The following MGA variants were observed in gnomAD, a reference collection of about 807,000 sequenced individuals.
MGA encodes MAX gene-associated protein.
In MGA, 40 loss-of-function variants were observed where a neutral mutation model predicts 261.1. The ratio of observed to expected loss-of-function variants is 0.15; its 90% CI spans 0.12 to 0.20. The LOEUF (loss-of-function observed/expected upper bound fraction) is 0.20. Ranked by LOEUF, MGA falls within the 10% of genes least tolerant of loss-of-function variation. MGA has a pLI of 1.00. For missense variants in MGA, 3,397 were observed against 3,630.5 expected (o/e 0.94, Z 1.65); for synonymous variants, 1,302 against 1,290.6 (o/e 1.01, Z -0.19).
intron 2 of MGA, among the ~76,000 whole-genome samples, chr15:41,686,809 A>AT (rs2058994195): frequency 6.6e-6 from 1 of 152,120 alleles, no homozygotes; most frequent in Non-Finnish European, 1.5e-5. Context: ...GTGATCTTAC[A>AT]TTCTTGGGCT....
intron 2 of MGA, among the ~76,000 whole-genome samples, chr15:41,686,906 A>G (rs1282402634): frequency 1.3e-5 from 2 of 152,138 alleles, no homozygotes; most frequent in African/African-American, 2.4e-5. Flanking sequence ...TTTGCACCAA[A>G]TTCATGTGGG....
At chr15:41,675,719 C>A (rs973667991) in intron 2 of MGA, among the ~76,000 whole-genome samples, 1 of 152,056 alleles carries the variant, frequency 6.6e-6, no homozygotes, top group Non-Finnish European at 1.5e-5. Flanking sequence ...CTGCTTATTT[C>A]CTGTAAGTAG....
In MGA at chr15:41,711,357, G is replaced by C. The variant is rs770245548; in HGVS notation, c.3084+8G>C. 6.3e-7 allele frequency: 1 copy of C among 1,579,520 alleles called. No individual in the cohort carries two copies. The highest frequency in any genetic ancestry group is 8.6e-7 in the Non-Finnish European group (1 of 1,164,616). ...ACTCTACTTACAGCTCAAGTAAGTAGCTGCTGTTTTCTGGAGGTATATTAG... is the reference window on the plus strand; with the variant it reads ...ACTCTACTTACAGCTCAAGTAAGTACCTGCTGTTTTCTGGAGGTATATTAG... On this transcript the variant is annotated splice_region_variant and intron_variant, in intron 8 of 23. Transcript: ENST00000219905.
At chr15:41,676,045 T>C (rs2058357500) in intron 2 of MGA, among the ~76,000 whole-genome samples, 1 of 152,232 alleles carries the variant, frequency 6.6e-6, no homozygotes, top group Non-Finnish European at 1.5e-5. Context: ...AGTTTTCAGA[T>C]GTTTTTCTGT....
intron 1 of MGA, among the ~76,000 whole-genome samples, chr15:41,667,039 T>C (rs1417090400): frequency 1.3e-5 from 2 of 152,200 alleles, no homozygotes; most frequent in African/African-American, 4.8e-5. Flanking sequence ...CTGGTTGACC[T>C]AACCCTTTCC....
rs756256372 is a variant in MGA, at chr15:41,710,721, G to A, written c.2456G>A (p.Arg819His). The A allele has an allele frequency of 3.1e-6, 5 of 1,604,710 alleles. No homozygotes were observed. The highest frequency in any genetic ancestry group is 1.3e-5 in the African/African-American group (1 of 74,396). ...AATTCAGAAAGTTCACTGAAAAATCGTTCTGCTTTCTGTAGTGATAAGCTA... is the reference window on the plus strand; with the variant it reads ...AATTCAGAAAGTTCACTGAAAAATCATTCTGCTTTCTGTAGTGATAAGCTA... The change falls in exon 8 of 24, where the codon CGT (arginine) becomes CAT (histidine). Residue 819 changes from arginine to histidine, a missense_variant. Around this residue, in one of 9 missense-constraint regions of MGA, gnomAD observed 519 missense variants for 554.1 expected, o/e 0.94. Transcript: ENST00000219905.
intron 5 of MGA, among the ~76,000 whole-genome samples, chr15:41,703,829 A>G (rs904032091): frequency 1.3e-5 from 2 of 152,194 alleles, no homozygotes; most frequent in Admixed American, 6.6e-5. Flanking sequence ...TTTTTGAGAC[A>G]GGGTCTCGCT....
chr15:41,656,176 C>T (rs927204922), upstream of MGA, among the ~76,000 whole-genome samples: 5 of 151,920 alleles, frequency 3.3e-5, no homozygotes, highest in African/African-American at 9.7e-5. Context: ...TTAGGGCAAG[C>T]GTCTTAAAGA....
chr15:41,638,024 G>A (rs941014481), intron 1 of MGA, among the ~76,000 whole-genome samples: 9 of 127,528 alleles, frequency 7.1e-5, no homozygotes, highest in South Asian at 2.6e-4. Flanking sequence ...AGCCACTACT[G>A]TGCCCAGCTT....
chr15:41,707,921 C>T (rs965245694), intron 6 of MGA, 62 bp downstream of exon 6: 13 of 1,559,906 alleles, frequency 8.3e-6, no homozygotes, highest in Admixed American at 2.0e-5. Flanking sequence ...TTATTTGTAA[C>T]GTAAGTAAAA....
chr15:41,630,503 G>A (rs1448532569), intron 1 of MGA, among the ~76,000 whole-genome samples: 1 of 152,100 alleles, frequency 6.6e-6, no homozygotes, highest in Admixed American at 6.6e-5. Flanking sequence ...TACAATACAC[G>A]ATCATATGGA....
intron 2 of MGA, among the ~76,000 whole-genome samples, chr15:41,683,988 C>T (rs535813575): frequency 6.6e-6 from 1 of 151,950 alleles, no homozygotes; most frequent in Admixed American, 6.6e-5. Flanking sequence ...TAGTTACATA[C>T]GGCATGCTAA....
At chr15:41,701,006 T>G (rs949310646) in intron 5 of MGA, among the ~76,000 whole-genome samples, 18 of 152,236 alleles carry the variant, frequency 1.2e-4, no homozygotes, top group African/African-American at 3.9e-4. Flanking sequence ...CAGTGCGATC[T>G]TAAAAGTGTG....
intron 1 of MGA, among the ~76,000 whole-genome samples, chr15:41,629,105 C>CAAAA (rs71108108): frequency 3.5e-4 from 27 of 77,876 alleles, no homozygotes; most frequent in Non-Finnish European, 4.5e-4. Flanking sequence ...GACTTCGTCT[C>CAAAA]AAAAAAAAAA....
intron 1 of MGA, among the ~76,000 whole-genome samples, chr15:41,645,566 A>T (rs1485096213): frequency 6.6e-6 from 1 of 152,236 alleles, no homozygotes; most frequent in Non-Finnish European, 1.5e-5. Flanking sequence ...CCTGGGCTAC[A>T]GAGTGAGACT....
At chr15:41,653,542 C>T (rs192953107) in intron 1 of MGA, among the ~76,000 whole-genome samples, 13 of 151,578 alleles carry the variant, frequency 8.6e-5, no homozygotes, top group Admixed American at 2.0e-4. Context: ...CCCATCTCTA[C>T]GTTAAAAAAT....
At chr15:41,754,676 C>G (rs2063043274) in intron 18 of MGA, 109 bp downstream of exon 18, 3 of 1,277,554 alleles carry the variant, frequency 2.3e-6, no homozygotes, top group Non-Finnish European at 2.1e-6. Flanking sequence ...CCTTCTTCCT[C>G]TAGCTTTTTT....
chr15:41,738,658 C>T (rs2061922695), intron 13 of MGA, among the ~76,000 whole-genome samples: 1 of 152,130 alleles, frequency 6.6e-6, no homozygotes. Flanking sequence ...ACAAAGCCAC[C>T]ATAGAATGTG....
intron 2 of MGA, chr15:41,691,631 A>G (rs772008997): frequency 3.9e-6 from 2 of 519,102 alleles, no homozygotes; most frequent in Admixed American, 2.0e-5. Context: ...TTTTTATGCA[A>G]TCTGAATGAT....
Sources: allele counts gnomAD v4.1 joint callset (sites outside exome capture counted in the v4.1 genomes callset), GRCh38; gene constraint gnomAD v4.1.1; regional missense constraint gnomAD v4.1.1; transcripts MANE v1.5; gene names NCBI Gene and HGNC (gene_info 2026-07-23, HGNC 2026-07-21).